The following NALCN variants were observed in gnomAD, a reference collection of about 807,000 sequenced individuals.
The protein encoded by NALCN is sodium leak channel, non-selective.
Under a neutral mutation model 225.3 loss-of-function variants are expected in NALCN, and 111 were observed. The ratio of observed to expected loss-of-function variants is 0.49; its 90% CI spans 0.42 to 0.58. NALCN has a LOEUF of 0.58. NALCN is among the 20% of genes least tolerant of loss of function. NALCN has a pLI of 0.00. For missense variants in NALCN, 1,378 were observed against 2,202.4 expected, an observed-to-expected ratio of 0.63 and a Z score of 7.49; for synonymous variants, 764 against 769.0, an observed-to-expected ratio of 0.99 and a Z score of 0.11.
rs1310347038 is a variant in NALCN, at chr13:101,414,667, TTTTTTTAAGTACA to T, written c.-40+1633_-40+1645del. On this transcript the variant is annotated intron_variant, in intron 1 of 43. Transcript: ENST00000251127. ...CTAAATGACACTATTTTGAGTAGAC[TTTTTTTAAGTACA>T]TTTTTTAAGTACATTTCTCCTTTGA... 5.3e-5 allele frequency among the ~76,000 whole-genome samples: 8 copies of T among 152,322 alleles called. No homozygotes were observed. The East Asian group carries it at 1.5e-3, about 29-fold the overall frequency.
At chr13:101,251,044 G>A (rs1339343597) in intron 11 of NALCN, among the ~76,000 whole-genome samples, 1 of 152,076 alleles carries the variant, frequency 6.6e-6, no homozygotes, top group Non-Finnish European at 1.5e-5. Flanking sequence ...TGGTAGGAAT[G>A]TAAATTGACA....
chr13:101,236,770 G>T (rs112187340), intron 12 of NALCN, among the ~76,000 whole-genome samples: 16 of 122,886 alleles, frequency 1.3e-4, no homozygotes, highest in African/African-American at 1.7e-4. Context: ...GTTGTGGGGT[G>T]GGGGGAGGGG....
chr13:101,184,659 C>T (rs1032879765), intron 14 of NALCN, among the ~76,000 whole-genome samples: 4 of 152,074 alleles, frequency 2.6e-5, no homozygotes, highest in East Asian at 1.9e-4. Context: ...TAATGTAGTT[C>T]TCATTCCCTC....
chr13:101,142,990 T>C lies in NALCN; in HGVS notation c.2118+90A>G, dbSNP rs755459515. 7 of 1,441,074 alleles carry C rather than the reference T, an allele frequency of 4.9e-6. No homozygotes were observed. The Admixed American group carries it at 1.2e-4, about 24-fold the overall frequency. The allele number at this position is 1,441,074 out of a possible 1,614,324, so 89.3% of individuals were successfully genotyped here. On this transcript the variant is annotated intron_variant, in intron 17 of 43. Coordinates refer to ENST00000251127, the MANE Select transcript of NALCN (RefSeq NM_052867.4). ...TATTTTCATTATTCTCTTGAGAAATTGGATTCCAGGACCCTAAAGAACTCT... is the reference window on the plus strand; with the variant it reads ...TATTTTCATTATTCTCTTGAGAAATCGGATTCCAGGACCCTAAAGAACTCT...
chr13:101,210,039 G>T (rs571981051), intron 13 of NALCN, among the ~76,000 whole-genome samples: 2 of 152,280 alleles, frequency 1.3e-5, no homozygotes, highest in East Asian at 3.9e-4. Flanking sequence ...CAATACTGCA[G>T]ACCTCCATCT....
chr13:101,055,431 G>C lies in NALCN; in HGVS notation c.5081C>G (p.Thr1694Arg). 6.2e-7 allele frequency: 1 copy of C among 1,614,108 alleles called. No homozygotes were observed. Among genetic ancestry groups the C allele is most frequent in the Non-Finnish European group, 8.5e-7 (1 of 1,180,004 alleles). The change falls in exon 44 of 44, where the codon ACA becomes AGA. Residue 1694 changes from threonine (T) to arginine (R), a missense_variant. Thr to Arg is a moderately conservative substitution (Grantham distance 71). This residue lies in a region of NALCN where 145 missense variants were observed against 169.6 expected (regional missense o/e 0.85). Transcript: ENST00000251127. ...SSVNLRFGGR[T>R]TMKSVVCKMN... is the part of the protein sequence containing the mutation. ...TTTGCACACGACAGATTTCATGGTTGTCCTTCCTCCAAACCGTAAGTTGAC... is the reference window on the plus strand; with the variant it reads ...TTTGCACACGACAGATTTCATGGTTCTCCTTCCTCCAAACCGTAAGTTGAC...
chr13:101,149,311 A>G (rs570729800), intron 15 of NALCN, among the ~76,000 whole-genome samples: 4 of 151,568 alleles, frequency 2.6e-5, no homozygotes, highest in African/African-American at 9.7e-5. Flanking sequence ...AAAAAAAATT[A>G]TAAAGGGACA....
chr13:101,323,756 G>T (rs2044839745), intron 7 of NALCN, among the ~76,000 whole-genome samples: 1 of 152,150 alleles, frequency 6.6e-6, no homozygotes, highest in Non-Finnish European at 1.5e-5. Context: ...CATGCATTCA[G>T]GATAAGACAG....
intron 7 of NALCN, among the ~76,000 whole-genome samples, chr13:101,295,955 G>A (rs1243143270): frequency 6.6e-6 from 1 of 152,142 alleles, no homozygotes; most frequent in Non-Finnish European, 1.5e-5. Flanking sequence ...TTGGGAAGTG[G>A]AGGACCCTGA....
chr13:101,345,328 A>C lies in NALCN; in HGVS notation c.737T>G (p.Met246Arg), dbSNP rs1452706023. 1 of 1,613,704 alleles carries C rather than the reference A, an allele frequency of 6.2e-7. No homozygotes were observed. The highest frequency in any genetic ancestry group is 8.5e-7 in the Non-Finnish European group (1 of 1,179,804). Reference protein sequence around the residue: ...GYQCPPGFKCMDLEDLGLSRQ... With the variant: ...GYQCPPGFKCRDLEDLGLSRQ... ...GCTAAGTCCCAGATCTTCAAGGTCC[A>C]TGCATTTAAATCCAGGTGGGCACTG... The change falls in exon 7 of 44, where the codon ATG becomes AGG. Residue 246 changes from methionine to arginine, a missense_variant. Coordinates refer to ENST00000251127, the MANE Select transcript of NALCN (RefSeq NM_052867.4).
rs1296493506 is a variant in NALCN, at chr13:101,176,394, C to T, written c.1765-20G>A. 13 of 1,571,534 alleles carry T rather than the reference C, an allele frequency of 8.3e-6. No individual in the cohort carries two copies. Among genetic ancestry groups the T allele is most frequent in the Non-Finnish European group, 1.1e-5 (13 of 1,162,352 alleles). Reference sequence around the variant, plus strand: ...GAGGATCTATAAAATGGTGAAATAACAATGAAAAAACCCACATGCCATAAG... The same window carrying T: ...GAGGATCTATAAAATGGTGAAATAATAATGAAAAAACCCACATGCCATAAG... On this transcript the variant is annotated intron_variant, in intron 14 of 43. Coordinates refer to ENST00000251127, the MANE Select transcript of NALCN (RefSeq NM_052867.4).
intron 39 of NALCN, 53 bp from the exon 40 acceptor site, chr13:101,065,614 T>C (rs2032315336): frequency 1.3e-6 from 2 of 1,569,078 alleles, no homozygotes; most frequent in African/African-American, 1.4e-5. Flanking sequence ...ATGATTCACT[T>C]GGGTTTCTCA....
chr13:101,406,866 C>T (rs1332023551), intron 1 of NALCN, among the ~76,000 whole-genome samples: 2 of 152,052 alleles, frequency 1.3e-5, no homozygotes, highest in South Asian at 2.1e-4. Context: ...ATAATCTCAC[C>T]CCATGTAGTG....
rs369778225 is a variant in NALCN, at chr13:101,103,339, C to G, written c.2890G>C (p.Val964Leu). Reference protein sequence around the residue: ...GGVMDIFIYLVSLIFLCWMPQ... With the variant: ...GGVMDIFIYLLSLIFLCWMPQ... ...ATCCAACAAAGAAATATCAAGCTCA[C>G]CTAAAGGGGAACAAATGATCTCTGG... The change falls in exon 26 of 44, where the codon GTG becomes CTG. Residue 964 changes from valine to leucine, a missense_variant and splice_region_variant. Val to Leu is a conservative substitution (Grantham distance 32). Around this residue, in one of 19 missense-constraint regions of NALCN, gnomAD observed 292 missense variants for 409.5 expected, o/e 0.71. Transcript: ENST00000251127. The G allele has an allele frequency of 6.2e-7, 1 of 1,603,128 alleles. No homozygotes were observed. Among genetic ancestry groups the G allele is most frequent in the Non-Finnish European group, 8.5e-7 (1 of 1,176,728 alleles).
intron 43 of NALCN, chr13:101,057,270 T>C (rs2031379726): frequency 6.5e-6 from 1 of 152,854 alleles, no homozygotes; most frequent in Admixed American, 6.5e-5. Flanking sequence ...CTTAATGGGA[T>C]TATCCTGGCT....
rs182998660 is a variant in NALCN, at chr13:101,376,840, A to G, written c.516-12T>C. On this transcript the variant is annotated splice_polypyrimidine_tract_variant and intron_variant, in intron 5 of 43. Transcript: ENST00000251127. The stretch of plus-strand genomic sequence containing the variant: ...GTTCTCCCGATCGCCTAGAGAAACA[A>G]AAGTAGGTAAAGTACATAAAACTTA... 225 of 1,612,082 alleles carry G rather than the reference A, an allele frequency of 1.4e-4. No individual in the cohort carries two copies. In the African/African-American group the frequency reaches 2.5e-3, roughly 18 times the overall value.
At chr13:101,282,378 G>A (rs564184) in intron 10 of NALCN, among the ~76,000 whole-genome samples, 121,315 of 152,096 alleles carry the variant, frequency 0.8, 50,427 homozygotes, top group Non-Finnish European at 0.91. Flanking sequence ...CCTGGAGGAC[G>A]TTATGCTAAG....
chr13:101,057,819 C>A, intron 43 of NALCN, 120 bp downstream of exon 43: 1 of 804,138 alleles, frequency 1.2e-6, no homozygotes, highest in Non-Finnish European at 2.2e-6. Flanking sequence ...CATTATGTTG[C>A]TGTCTGTAAA....
At chr13:101,289,118 G>T (rs978749558) in intron 9 of NALCN, among the ~76,000 whole-genome samples, 1 of 152,176 alleles carries the variant, frequency 6.6e-6, no homozygotes, top group African/African-American at 2.4e-5. Context: ...TATATCATGG[G>T]TGTATGAATC....
Sources: gnomAD v4.1 joint callset for allele counts (sites outside exome capture counted in the v4.1 genomes callset) on GRCh38, gnomAD v4.1.1 for gene constraint, gnomAD v4.1.1 regional missense constraint, MANE v1.5 for transcripts, NCBI Gene and HGNC (gene_info 2026-07-23, HGNC 2026-07-21) for gene names.